Variants in DNM2 observed in about 807,000 individuals in gnomAD.
The protein encoded by DNM2 is dynamin 2, also known as dynamin-2.
A neutral mutation model predicts 99.0 loss-of-function variants in DNM2; 15 were observed. The ratio of observed to expected loss-of-function variants is 0.15; its 90% CI spans 0.10 to 0.23. The LOEUF (loss-of-function observed/expected upper bound fraction) is 0.23. Among genes scored for constraint, DNM2 ranks in the 10% least tolerant of loss-of-function variants. The pLI is 1.00. For missense variants in DNM2, 742 were observed against 1,189.4 expected (o/e 0.62, Z 5.53); for synonymous variants, 525 against 481.2 (o/e 1.09, Z -1.19).
intron 1 of DNM2, among the ~76,000 whole-genome samples, chr19:10,740,736 C>G (rs541283152): frequency 6.6e-6 from 1 of 152,282 alleles, no homozygotes; most frequent in East Asian, 1.9e-4. Context: ...TGTAAACCTG[C>G]TTTAGCTGCA....
intron 1 of DNM2, chr19:10,718,615 G>A (rs1246094978): frequency 6.0e-6 from 4 of 671,820 alleles, no homozygotes; most frequent in Middle Eastern, 5.0e-4. Flanking sequence ...CCCAGGGGCG[G>A]TGTCACGGGC....
chr19:10,792,197 T>G (rs1401523583), intron 7 of DNM2, among the ~76,000 whole-genome samples: 1 of 152,334 alleles, frequency 6.6e-6, no homozygotes. Context: ...TTACTTCATG[T>G]GAGGAAAGAG....
rs1371435215 is a variant in DNM2, at chr19:10,817,491, G to A, written c.1672-2489G>A. ...CCTGAACAGGTAGTCTGAACACTGG[G>A]TTGGCGGGGCCGGCTATCCATCCTG... On this transcript the variant is annotated intron_variant, in intron 15 of 20. Coordinates refer to ENST00000389253, the MANE Select transcript of DNM2 (RefSeq NM_001005361.3). This position sits in a 1 kb window ranked among gnomAD's most constrained non-coding sequence, Gnocchi z 4.6. 5 of 465,554 alleles carry A rather than the reference G, an allele frequency of 1.1e-5. No homozygotes were observed. Among genetic ancestry groups the A allele is most frequent in the African/African-American group, 2.1e-5 (1 of 48,710 alleles). 28.8% of individuals were successfully genotyped at this position (465,554 alleles called of 1,614,324 possible).
At chr19:10,760,137 G>C (rs189290624) in intron 2 of DNM2, among the ~76,000 whole-genome samples, 1 of 151,542 alleles carries the variant, frequency 6.6e-6, no homozygotes, top group Non-Finnish European at 1.5e-5. Context: ...AGGTTCCAGC[G>C]ATTCTCCTGC....
intron 2 of DNM2, among the ~76,000 whole-genome samples, chr19:10,760,668 TA>T (rs1189854915): frequency 6.6e-6 from 1 of 151,858 alleles, no homozygotes; most frequent in African/African-American, 2.4e-5. Context: ...TCACTTTTTT[TA>T]TTTTTTTTAA....
intron 1 of DNM2, among the ~76,000 whole-genome samples, chr19:10,724,781 G>A (rs535576528): frequency 3.0e-4 from 45 of 152,296 alleles, no homozygotes; most frequent in Middle Eastern, 6.8e-3. Context: ...TTGATTTCCA[G>A]CTTCAACTCA....
At chr19:10,759,637 G>C in intron 1 of DNM2, 101 bp from the exon 2 acceptor site, 2 of 1,468,618 alleles carry the variant, frequency 1.4e-6, no homozygotes, top group Non-Finnish European at 1.9e-6. Context: ...TGCTGAGGTC[G>C]CCCAAATTGC....
At chr19:10,736,876 C>T (rs1265995889) in intron 1 of DNM2, among the ~76,000 whole-genome samples, 3 of 152,108 alleles carry the variant, frequency 2.0e-5, no homozygotes, top group African/African-American at 4.8e-5. Context: ...AGCTGGGCGC[C>T]GTGGCTTACG....
chr19:10,831,545 C>T lies in DNM2; in HGVS notation c.*498C>T, dbSNP rs941472119. 15 of 986,490 alleles carry T rather than the reference C, an allele frequency of 1.5e-5. No individual in the cohort carries two copies. In the Admixed American group the frequency reaches 2.5e-4, roughly 16 times the overall value. The allele number at this position is 986,490 out of a possible 1,614,324, so 61.1% of individuals were successfully genotyped here. A position where few individuals can be genotyped will look rare whatever the true frequency, so the allele number is the denominator to read the frequency against. ...GCTCGGTAGTGCCCAGCTGGCAGGC[C>T]TGAGGTGTACATAGTCCTTCCCGGC... On this transcript the variant is annotated 3_prime_UTR_variant, in exon 21 of 21. Coordinates refer to ENST00000389253, the MANE Select transcript of DNM2 (RefSeq NM_001005361.3). The surrounding 1 kb of genome is among the most constrained non-coding windows in gnomAD (Gnocchi z 4.3).
chr19:10,728,665 G>A (rs2069189874), intron 1 of DNM2, among the ~76,000 whole-genome samples: 1 of 152,110 alleles, frequency 6.6e-6, no homozygotes. Context: ...AGAACATTCT[G>A]GGGCAGGCAC....
intron 1 of DNM2, among the ~76,000 whole-genome samples, chr19:10,730,851 A>G (rs1407655675): frequency 3.9e-5 from 6 of 152,118 alleles, no homozygotes; most frequent in African/African-American, 1.4e-4. Context: ...TGGCCCTGGC[A>G]GGGGCAGGCA....
intron 6 of DNM2, 87 bp downstream of exon 6, chr19:10,783,207 C>T: frequency 6.3e-7 from 1 of 1,577,486 alleles, no homozygotes; most frequent in East Asian, 2.3e-5. Flanking sequence ...TTGTTTCAGG[C>T]TAGAGCAGCA....
rs1225514146 is a variant in DNM2, at chr19:10,742,565, CAG to C, written c.162-17170_162-17169del. Among the ~76,000 whole-genome samples, 7 of 152,330 alleles carry C rather than the reference CAG, an allele frequency of 4.6e-5. No homozygotes were observed. In the South Asian group the frequency reaches 1.2e-3, roughly 27 times the overall value. ...AGGCTGTGGCTGAGCTGCCAGGCTG[CAG>C]AGTCTTCACCCAATGATCTTGCTCA... On this transcript the variant is annotated intron_variant, in intron 1 of 20. Coordinates refer to ENST00000389253, the MANE Select transcript of DNM2 (RefSeq NM_001005361.3).
intron 1 of DNM2, among the ~76,000 whole-genome samples, chr19:10,746,662 T>C (rs112754241): frequency 0.1 from 15,173 of 150,944 alleles, 1,187 homozygotes; most frequent in East Asian, 0.37. Context: ...TCAGGTGATC[T>C]ACCTGCCTCG....
rs1346939528 is a variant in DNM2, at chr19:10,818,323, GC to G, written c.1672-1655del. Among the ~76,000 whole-genome samples the G allele has an allele frequency of 6.6e-6, 1 of 152,136 alleles. No homozygotes were observed. The highest frequency in any genetic ancestry group is 1.5e-5 in the Non-Finnish European group (1 of 68,036). ...GCTCTGCCCTACTTCTTTGCCTAGA[GC>G]CTGGCAGGCTAATCCTGGAGCCGCT... On this transcript the variant is annotated intron_variant, in intron 15 of 20. Transcript: ENST00000389253. This position sits in a 1 kb window ranked among gnomAD's most constrained non-coding sequence, Gnocchi z 4.3.
At chr19:10,808,836 TGGTTTCCTGTA>T (rs778800205) in intron 14 of DNM2, 6 of 467,604 alleles carry the variant, frequency 1.3e-5, no homozygotes, top group Non-Finnish European at 2.3e-5. Flanking sequence ...CAGGTTTTCC[TGGTTTCCTGTA>T]GGTCAGGGAT....
intron 1 of DNM2, among the ~76,000 whole-genome samples, chr19:10,747,038 ATT>A (rs776244156): frequency 3.8e-5 from 5 of 132,376 alleles, no homozygotes; most frequent in African/African-American, 2.8e-5. Flanking sequence ...CACTCAACCA[ATT>A]TTTTTTTTTT....
intron 1 of DNM2, among the ~76,000 whole-genome samples, chr19:10,733,943 G>T (rs1026689771): frequency 6.6e-6 from 1 of 151,970 alleles, no homozygotes; most frequent in Non-Finnish European, 1.5e-5. Context: ...GGGAAGCGGA[G>T]GCTGCAGTGA....
intron 4 of DNM2, 40 bp from the exon 5 acceptor site, chr19:10,777,078 T>C (rs1244119639): frequency 6.2e-7 from 1 of 1,605,986 alleles, no homozygotes; most frequent in Non-Finnish European, 8.5e-7. Flanking sequence ...TGCTCTTTCC[T>C]GGTGGCAGCC....
Sources: gnomAD v4.1 joint callset for allele counts (sites outside exome capture counted in the v4.1 genomes callset) on GRCh38, gnomAD v4.1.1 for gene constraint, Gnocchi (gnomAD v3.1) non-coding constraint, MANE v1.5 for transcripts, NCBI Gene and HGNC (gene_info 2026-07-23, HGNC 2026-07-21) for gene names.